AQR: variants seen among roughly 807,000 people sequenced by gnomAD.
AQR encodes aquarius intron-binding spliceosomal factor.
Under a neutral mutation model 180.5 loss-of-function variants are expected in AQR, and 61 were observed. The observed-to-expected ratio is 0.34, with a 90% CI of 0.28 to 0.42. The LOEUF (loss-of-function observed/expected upper bound fraction) is 0.42. Ranked by LOEUF, AQR falls within the 10% of genes least tolerant of loss-of-function variation. AQR has a pLI of 1.00. For missense variants in AQR, 1,281 were observed against 1,798.3 expected (o/e 0.71, Z 5.20); for synonymous variants, 551 against 588.8 (o/e 0.94, Z 0.93).
chr15:34,906,345 T>A (rs1893417030), intron 18 of AQR, among the ~76,000 whole-genome samples, 200 bp downstream of exon 18: 1 of 152,176 alleles, frequency 6.6e-6, no homozygotes, highest in Non-Finnish European at 1.5e-5. Context: ...AACTCCAGCC[T>A]GTGTGACACA....
At chr15:34,898,552 C>T (rs1322074006) in intron 20 of AQR, among the ~76,000 whole-genome samples, 2 of 152,150 alleles carry the variant, frequency 1.3e-5, no homozygotes, top group Admixed American at 6.5e-5. Context: ...ATAAAGACTG[C>T]TGAGGGCCTA....
At chr15:34,896,512 T>A (rs1893246354) in intron 22 of AQR, among the ~76,000 whole-genome samples, 1 of 149,014 alleles carries the variant, frequency 6.7e-6, no homozygotes, top group Admixed American at 6.7e-5. Flanking sequence ...CATTCTAAAA[T>A]CTGTTACTTA....
At chr15:34,925,683 A>C (rs1481531216) in intron 13 of AQR, among the ~76,000 whole-genome samples, 2 of 152,074 alleles carry the variant, frequency 1.3e-5, no homozygotes, top group Non-Finnish European at 2.9e-5. Context: ...GCTACTAAAA[A>C]TTAGCTGGGC....
intron 24 of AQR, among the ~76,000 whole-genome samples, chr15:34,888,456 T>C (rs1893094984): frequency 6.6e-6 from 1 of 151,978 alleles, no homozygotes; most frequent in South Asian, 2.1e-4. Context: ...CCTAGCACTT[T>C]GGGAGGCCAA....
rs190848060 is a variant in AQR at position 34,948,754 on chromosome 15, G to A, written c.210-370C>T. On this transcript the variant is annotated intron_variant, in intron 4 of 34. Transcript: ENST00000156471. Reference sequence around the variant, plus strand: ...AGAAGATGCAGTGAGCTGAGATTGCGCCACTACACTCCAGCCTGGCCAACA... The same window carrying A: ...AGAAGATGCAGTGAGCTGAGATTGCACCACTACACTCCAGCCTGGCCAACA... Among the ~76,000 whole-genome samples, 364 of 145,304 alleles carry A rather than the reference G, an allele frequency of 2.5e-3. 4 individuals carry two copies. Among genetic ancestry groups the A allele is most frequent in the Admixed American group, 4.2e-3 (60 of 14,274 alleles).
Position 34,952,816 on chromosome 15 carries a change from AAC to A in AQR, c.209+67_209+68del, listed in dbSNP as rs1487942119. Reference sequence around the variant, plus strand: ...GATTTTCTTAGTGACTCACAGAAATAACACAGAAAATTTAGCTAAAACTGAAA... The same window carrying A: ...GATTTTCTTAGTGACTCACAGAAATAACAGAAAATTTAGCTAAAACTGAAA... On this transcript the variant is annotated intron_variant, in intron 4 of 34. Coordinates refer to ENST00000156471, the MANE Select transcript of AQR (RefSeq NM_014691.3). 4.5e-6 allele frequency: 5 copies of A among 1,105,376 alleles called. No individual in the cohort carries two copies. The African/African-American group carries it at 4.8e-5, about 11-fold the overall frequency. 68.5% of individuals were successfully genotyped at this position (1,105,376 alleles called of 1,614,324 possible). A position where few individuals can be genotyped will look rare whatever the true frequency, so the allele number is the denominator to read the frequency against.
intron 16 of AQR, among the ~76,000 whole-genome samples, chr15:34,911,629 T>C (rs1388480749): frequency 6.6e-6 from 1 of 152,188 alleles, no homozygotes; most frequent in East Asian, 1.9e-4. Context: ...CCATTTTTTA[T>C]TGGGTTATTT....
In AQR at chr15:34,934,572, T is replaced by A; in HGVS notation, c.782A>T (p.Glu261Val). 1 of 1,592,438 alleles carries A rather than the reference T, an allele frequency of 6.3e-7. No individual in the cohort carries two copies. The highest frequency in any genetic ancestry group is 8.5e-7 in the Non-Finnish European group (1 of 1,172,664). The change falls in exon 10 of 35, where the codon GAG becomes GTG. Residue 261 changes from glutamate to valine, a missense_variant and splice_region_variant. By Grantham distance (121) the Glu-to-Val change is moderately radical (BLOSUM62 -2). This residue lies in a region of AQR where 404 missense variants were observed against 490.9 expected (regional missense o/e 0.82). Coordinates refer to ENST00000156471, the MANE Select transcript of AQR (RefSeq NM_014691.3). ...AAAAAGTCACGGTAGATTTCTTACC[T>A]CTAGATCAATCATAAGTTCAATGAA... The part of the protein sequence containing the change: ...ERFIELMIDL[E>V]ALLPTRRWFN...
intron 14 of AQR, among the ~76,000 whole-genome samples, chr15:34,918,963 G>A (rs1008605758): frequency 9.9e-5 from 15 of 152,138 alleles, no homozygotes; most frequent in African/African-American, 3.4e-4. Flanking sequence ...GTTACACCGG[G>A]TGCAGTGGCT....
rs1009274258 is a variant in AQR, at chr15:34,921,556, T to C, written c.1119-1122A>G. On this transcript the variant is annotated intron_variant, in intron 13 of 34. Transcript: ENST00000156471. ...TAATTTCAAGGAAAACAACTATCAG[T>C]ATTTGCTGTCAATGATAAAATTTGA... is the stretch of plus-strand genomic sequence containing the variant. Among the ~76,000 whole-genome samples, 4 of 152,200 alleles carry C rather than the reference T, an allele frequency of 2.6e-5. No individual in the cohort carries two copies. The East Asian group carries it at 5.8e-4, about 22-fold the overall frequency.
rs187893429 is a variant in AQR at position 34,879,563 on chromosome 15, A to C, written c.3165+2939T>G. Among the ~76,000 whole-genome samples the C allele has an allele frequency of 3.9e-5, 6 of 152,244 alleles. No homozygotes were observed. In the East Asian group the frequency reaches 1.2e-3, roughly 29 times the overall value. The stretch of plus-strand genomic sequence containing the variant: ...CCTTAAAGCCAGCATGGGGACATAG[A>C]TTTGAGCTTGACTATGTTCTTCTCA... On this transcript the variant is annotated intron_variant, in intron 27 of 34. Transcript: ENST00000156471.
chr15:34,874,593 T>C, intron 29 of AQR, 84 bp downstream of exon 29: 1 of 1,518,708 alleles, frequency 6.6e-7, no homozygotes, highest in Non-Finnish European at 9.0e-7. Flanking sequence ...ATGCTAATAG[T>C]CTACACAAAA....
intron 24 of AQR, 114 bp from the exon 25 acceptor site, chr15:34,886,775 G>A: frequency 1.9e-6 from 2 of 1,072,674 alleles, no homozygotes; most frequent in Non-Finnish European, 2.6e-6. Context: ...AAAACTAGAA[G>A]ATATGGCTTC....
intron 16 of AQR, among the ~76,000 whole-genome samples, chr15:34,912,938 G>T (rs1445806664): frequency 1.3e-5 from 2 of 152,102 alleles, no homozygotes; most frequent in Non-Finnish European, 2.9e-5. Flanking sequence ...TGCAATCAAT[G>T]GCTTGGTTAG....
At chr15:34,954,188 A>AT in intron 3 of AQR, among the ~76,000 whole-genome samples, 1 of 151,496 alleles carries the variant, frequency 6.6e-6, no homozygotes, top group Non-Finnish European at 1.5e-5. Context: ...AAATGCTAGG[A>AT]TTACAGGCGT....
intron 19 of AQR, among the ~76,000 whole-genome samples, chr15:34,903,898 C>T (rs952646654): frequency 2.6e-5 from 4 of 151,958 alleles, no homozygotes; most frequent in Admixed American, 6.6e-5. Flanking sequence ...TATATTATAA[C>T]GTATAGTAAT....
At chr15:34,889,732 G>A (rs1033581785) in intron 24 of AQR, among the ~76,000 whole-genome samples, 2 of 151,934 alleles carry the variant, frequency 1.3e-5, no homozygotes, top group African/African-American at 2.4e-5. Context: ...ATGCAATGGC[G>A]CAATCTTGGC....
chr15:34,937,035 G>A (rs150301102), intron 9 of AQR, among the ~76,000 whole-genome samples: 15 of 152,080 alleles, frequency 9.9e-5, no homozygotes, highest in African/African-American at 3.6e-4. Context: ...AGCATAAAAC[G>A]TTTTCTTTCT....
intron 32 of AQR, 108 bp downstream of exon 32, chr15:34,867,416 A>T: frequency 1.1e-6 from 1 of 910,412 alleles, no homozygotes; most frequent in Non-Finnish European, 1.7e-6. Flanking sequence ...GTTGCCTAGT[A>T]ATTATAGTTT....
Sources: gnomAD v4.1 joint callset for allele counts (sites outside exome capture counted in the v4.1 genomes callset) on GRCh38, gnomAD v4.1.1 for gene constraint, gnomAD v4.1.1 regional missense constraint, MANE v1.5 for transcripts, NCBI Gene and HGNC (gene_info 2026-07-23, HGNC 2026-07-21) for gene names.